DLGAP2: variants seen among roughly 807,000 people sequenced by gnomAD.
The protein encoded by DLGAP2 is DLG associated protein 2, also known as disks large-associated protein 2.
DLGAP2 carries 26 observed loss-of-function variants against 100.3 expected under a neutral mutation model. The observed-to-expected ratio is 0.26, with a 90% CI of 0.19 to 0.36. The LOEUF is 0.36. DLGAP2 is among the 10% of genes least tolerant of loss of function. The pLI, the probability that DLGAP2 is intolerant of heterozygous loss-of-function variation, is 1.00. For missense variants in DLGAP2, 1,858 were observed against 1,453.2 expected (o/e 1.28, Z -4.53); for synonymous variants, 886 against 630.1 (o/e 1.41, Z -6.08).
At chr8:1,138,814 C>T (rs1796468961) in intron 2 of DLGAP2, among the ~76,000 whole-genome samples, 2 of 151,748 alleles carry the variant, frequency 1.3e-5, no homozygotes, top group South Asian at 2.1e-4. Flanking sequence ...GGAAACTCTT[C>T]CTGTTTATTT....
chr8:1,000,062 G>A (rs1224184295), intron 2 of DLGAP2, among the ~76,000 whole-genome samples: 1 of 146,148 alleles, frequency 6.8e-6, no homozygotes, highest in African/African-American at 2.5e-5. Context: ...TTTCTCTAGA[G>A]CAGAGAGATC....
intron 2 of DLGAP2, among the ~76,000 whole-genome samples, chr8:937,777 G>C (rs1442899882): frequency 1.3e-5 from 2 of 152,148 alleles, no homozygotes; most frequent in African/African-American, 2.4e-5. Flanking sequence ...GTGTCCTAAG[G>C]TGTATGTTCC....
At chr8:819,688 C>T (rs533582265) in intron 1 of DLGAP2, among the ~76,000 whole-genome samples, 1 of 152,242 alleles carries the variant, frequency 6.6e-6, no homozygotes, top group Non-Finnish European at 1.5e-5. Flanking sequence ...GGCGCATCCT[C>T]AGAAAGAATA....
chr8:1,436,555 C>T (rs184373851), intron 3 of DLGAP2, among the ~76,000 whole-genome samples: 1 of 152,158 alleles, frequency 6.6e-6, no homozygotes, highest in African/African-American at 2.4e-5. Flanking sequence ...ATCCTTCAAT[C>T]CAATCAGGTT....
intron 2 of DLGAP2, among the ~76,000 whole-genome samples, chr8:1,188,836 G>A (rs1797572426): frequency 6.6e-6 from 1 of 152,074 alleles, no homozygotes. Context: ...CTTTTTTTAG[G>A]AAACAATGAC....
At chr8:1,263,504 C>G (rs1452106997) in intron 3 of DLGAP2, among the ~76,000 whole-genome samples, 1 of 152,150 alleles carries the variant, frequency 6.6e-6, no homozygotes, top group East Asian at 1.9e-4. Flanking sequence ...CTTCATAACT[C>G]ATAATCAAGA....
intron 5 of DLGAP2, among the ~76,000 whole-genome samples, chr8:1,565,265 A>G (rs891210806): frequency 1.3e-5 from 2 of 151,854 alleles, no homozygotes; most frequent in Non-Finnish European, 2.9e-5. Context: ...CAATTAAGAT[A>G]TAAGTATACA....
intron 3 of DLGAP2, among the ~76,000 whole-genome samples, chr8:1,454,804 C>T (rs572690062): frequency 3.3e-5 from 5 of 152,294 alleles, no homozygotes; most frequent in Middle Eastern, 6.8e-3. Context: ...CCAGAGACCC[C>T]CACTGAGCAC....
At chr8:1,621,197 A>G (rs1050809147) in intron 6 of DLGAP2, 6 of 152,196 alleles carry the variant, frequency 3.9e-5, no homozygotes, top group Admixed American at 2.6e-4. Flanking sequence ...CTTTGGTGGC[A>G]CATCCTTCAA....
intron 3 of DLGAP2, among the ~76,000 whole-genome samples, chr8:1,475,028 C>T (rs1798893720): frequency 6.6e-6 from 1 of 152,208 alleles, no homozygotes; most frequent in African/African-American, 2.4e-5. Flanking sequence ...AGTGCATACA[C>T]ACCATGGAAT....
At chr8:1,591,099 G>A (rs1383739001) in intron 6 of DLGAP2, among the ~76,000 whole-genome samples, 6 of 152,198 alleles carry the variant, frequency 3.9e-5, no homozygotes, top group African/African-American at 1.4e-4. Flanking sequence ...AGAACTGGGT[G>A]CACTCAATCT....
chr8:1,344,459 G>C (rs1801509950), intron 3 of DLGAP2, among the ~76,000 whole-genome samples: 1 of 152,198 alleles, frequency 6.6e-6, no homozygotes, highest in African/African-American at 2.4e-5. Context: ...TCGGGACTCA[G>C]ACTCACCTGT....
intron 1 of DLGAP2, among the ~76,000 whole-genome samples, chr8:870,167 G>T (rs530929493): frequency 6.6e-6 from 1 of 152,036 alleles, no homozygotes; most frequent in South Asian, 2.1e-4. Context: ...TTATTCTATG[G>T]CTATTTCTTT....
intron 10 of DLGAP2, among the ~76,000 whole-genome samples, chr8:1,674,788 C>T (rs1798771145): frequency 2.6e-5 from 4 of 152,138 alleles, no homozygotes; most frequent in Admixed American, 2.6e-4. Flanking sequence ...ACCAAATTTC[C>T]CCTGCACTGA....
chr8:983,556 A>G (rs1800401489), intron 2 of DLGAP2, among the ~76,000 whole-genome samples: 1 of 152,246 alleles, frequency 6.6e-6, no homozygotes, highest in Non-Finnish European at 1.5e-5. Flanking sequence ...TGGATATGTC[A>G]CGTAACTTCC....
intron 4 of DLGAP2, among the ~76,000 whole-genome samples, chr8:1,543,524 G>C (rs1052077643): frequency 5.3e-5 from 8 of 152,202 alleles, no homozygotes; most frequent in Admixed American, 5.2e-4. Flanking sequence ...CTCCAGTTCA[G>C]TTCCATGGGT....
intron 1 of DLGAP2, among the ~76,000 whole-genome samples, chr8:823,178 G>C (rs944405441): frequency 6.6e-6 from 1 of 152,046 alleles, no homozygotes; most frequent in Non-Finnish European, 1.5e-5. Context: ...CTACCCACTT[G>C]GTGGCCTCAG....
At chr8:1,354,383 C>T (rs1413942636) in intron 3 of DLGAP2, among the ~76,000 whole-genome samples, 2 of 152,044 alleles carry the variant, frequency 1.3e-5, no homozygotes. Context: ...TGTGGTGGTG[C>T]GTGCTTGTAG....
rs547036378 is a variant in DLGAP2 at position 1,193,883 on chromosome 8, C to T, written c.74-64968C>T. Among the ~76,000 whole-genome samples, 40 of 152,282 alleles carry T rather than the reference C, an allele frequency of 2.6e-4. 1 individual carries two copies. The highest frequency in any genetic ancestry group is 7.8e-4 in the East Asian group (4 of 5,152). On this transcript the variant is annotated intron_variant, in intron 2 of 14. Coordinates refer to ENST00000637795, the MANE Select transcript of DLGAP2 (RefSeq NM_001346810.2). Reference sequence around the variant, plus strand: ...CTCTAGAGCCTCCGCACCGCGCCGCCCCCGCCTCCTGTCCCCAGCCAGGAG... The same window carrying T: ...CTCTAGAGCCTCCGCACCGCGCCGCTCCCGCCTCCTGTCCCCAGCCAGGAG...
Sources: allele counts gnomAD v4.1 joint callset (sites outside exome capture counted in the v4.1 genomes callset), GRCh38; gene constraint gnomAD v4.1.1; transcripts MANE v1.5; gene names NCBI Gene and HGNC (gene_info 2026-07-23, HGNC 2026-07-21).